SETBP1: variants seen among roughly 807,000 people sequenced by gnomAD.
SETBP1 encodes the protein SET binding protein 1.
A neutral mutation model predicts 101.0 loss-of-function variants in SETBP1; 9 were observed. The ratio of observed to expected loss-of-function variants is 0.09; its 90% CI spans 0.05 to 0.16. The LOEUF (loss-of-function observed/expected upper bound fraction) is 0.16, where lower values mean the gene tolerates loss of function less well. SETBP1 is among the 10% of genes least tolerant of loss of function. The pLI is 1.00. For missense variants in SETBP1, 1,858 were observed against 2,033.8 expected (o/e 0.91, Z 1.66); for synonymous variants, 818 against 788.5 (o/e 1.04, Z -0.63).
At chr18:44,978,045 A>G (rs774813551) in intron 4 of SETBP1, among the ~76,000 whole-genome samples, 40 of 152,108 alleles carry the variant, frequency 2.6e-4, no homozygotes, top group Non-Finnish European at 5.4e-4. Context: ...CATATTCCGA[A>G]AACAGATCCA....
chr18:44,796,234 G>A (rs908295124), intron 2 of SETBP1, among the ~76,000 whole-genome samples: 6 of 152,190 alleles, frequency 3.9e-5, no homozygotes, highest in Non-Finnish European at 8.8e-5. Flanking sequence ...AATATTTTAT[G>A]TATTGAATTT....
intron 5 of SETBP1, among the ~76,000 whole-genome samples, chr18:45,053,039 G>A (rs993185715): frequency 6.6e-6 from 1 of 152,056 alleles, no homozygotes; most frequent in Non-Finnish European, 1.5e-5. Context: ...ACATAGCCTT[G>A]GCCAGTGTTG....
chr18:44,887,008 T>C (rs1038348784), intron 3 of SETBP1, among the ~76,000 whole-genome samples: 1 of 152,028 alleles, frequency 6.6e-6, no homozygotes, highest in Non-Finnish European at 1.5e-5. Flanking sequence ...TAGTGAGTAG[T>C]GTCACTGTGT....
intron 4 of SETBP1, among the ~76,000 whole-genome samples, chr18:44,979,945 G>A (rs1004328349): frequency 2.5e-4 from 38 of 152,322 alleles, no homozygotes; most frequent in Admixed American, 2.0e-3. Flanking sequence ...CCATGTGGAT[G>A]TAAATTTGGA....
chr18:44,981,738 G>T (rs953311417), intron 4 of SETBP1, among the ~76,000 whole-genome samples: 1 of 152,176 alleles, frequency 6.6e-6, no homozygotes, highest in Non-Finnish European at 1.5e-5. Context: ...TTTAAAGCAT[G>T]TGCCCCCTTT....
At chr18:44,960,308 G>C (rs989167875) in intron 4 of SETBP1, among the ~76,000 whole-genome samples, 1 of 152,076 alleles carries the variant, frequency 6.6e-6, no homozygotes, top group African/African-American at 2.4e-5. Flanking sequence ...GTACTCCGAG[G>C]CTTGTGCTTA....
At chr18:44,895,223 G>A (rs2069868880) in intron 3 of SETBP1, among the ~76,000 whole-genome samples, 1 of 83,720 alleles carries the variant, frequency 1.2e-5, no homozygotes, top group Non-Finnish European at 2.5e-5. Context: ...AAAGGGAGGG[G>A]GAGGGAGAGA....
intron 3 of SETBP1, among the ~76,000 whole-genome samples, chr18:44,915,393 G>A (rs548956974): frequency 6.6e-6 from 1 of 152,304 alleles, no homozygotes; most frequent in Admixed American, 6.5e-5. Context: ...TAATCAGTGA[G>A]TCAATTAATA....
Position 44,951,824 on chromosome 18 carries a change from G to C in SETBP1, c.2484G>C (p.Lys828Asn). The change falls in exon 4 of 6, where the codon AAG becomes AAC. Residue 828 changes from lysine to asparagine, a missense_variant. Lys to Asn is a moderately conservative substitution (Grantham distance 94). Transcript: ENST00000649279. The surrounding 1 kb of genome is among the most constrained non-coding windows in gnomAD (Gnocchi z 7.8). ...AGGGAATACACAGTGGAACCTGGAA[G>C]CTGTCTCCACCCAGACTGATGGCCA... is the stretch of plus-strand genomic sequence containing the variant. ...TQKGIHSGTW[K>N]LSPPRLMANS... The C allele has an allele frequency of 6.2e-7, 1 of 1,614,102 alleles. No homozygotes were observed. The highest frequency in any genetic ancestry group is 8.5e-7 in the Non-Finnish European group (1 of 1,180,042).
At chr18:44,963,317 T>G (rs1354225792) in intron 4 of SETBP1, among the ~76,000 whole-genome samples, 1 of 152,180 alleles carries the variant, frequency 6.6e-6, no homozygotes, top group East Asian at 1.9e-4. Flanking sequence ...TAGGATATTT[T>G]ACATACAAAG....
chr18:44,703,521 G>C (rs2069159206), intron 2 of SETBP1, among the ~76,000 whole-genome samples: 1 of 151,648 alleles, frequency 6.6e-6, no homozygotes. Context: ...CAAAGAACTG[G>C]CTAGAAGAGA....
At position 44,746,030 on chromosome 18, in the gene SETBP1, G is replaced by T. The variant is rs143667875; in HGVS notation, c.486+44198G>T. On this transcript the variant is annotated intron_variant, in intron 2 of 5. Transcript: ENST00000649279. ...GGGGCAGGGAGATGTGGTCAAATAT[G>T]CAGGGTAGAGGGGTCACTCTGCCAC... 3.5e-3 allele frequency among the ~76,000 whole-genome samples: 536 copies of T among 152,268 alleles called. 4 individuals carry two copies. The highest frequency in any genetic ancestry group is 0.012 in the African/African-American group (512 of 41,544).
At chr18:44,786,630 T>C (rs57631808) in intron 2 of SETBP1, among the ~76,000 whole-genome samples, 13,753 of 152,216 alleles carry the variant, frequency 0.09, 775 homozygotes, top group East Asian at 0.23. Context: ...GAGAATGCAT[T>C]TGAAGCTCTC....
At chr18:44,732,453 T>C (rs1181506194) in intron 2 of SETBP1, 1 of 152,210 alleles carries the variant, frequency 6.6e-6, no homozygotes, top group Non-Finnish European at 1.5e-5. Flanking sequence ...GACGGATATA[T>C]AAGTGAAGAC....
intron 2 of SETBP1, among the ~76,000 whole-genome samples, chr18:44,834,790 A>G (rs1414831729): frequency 6.6e-6 from 1 of 152,182 alleles, no homozygotes; most frequent in African/African-American, 2.4e-5. Flanking sequence ...TAAAAATACA[A>G]CCAGATACCT....
At chr18:45,017,389 T>C (rs937388176) in intron 4 of SETBP1, among the ~76,000 whole-genome samples, 1 of 152,158 alleles carries the variant, frequency 6.6e-6, no homozygotes, top group Non-Finnish European at 1.5e-5. Context: ...CCCCAGCCTC[T>C]TTTGGCAGGA....
At position 44,952,959 on chromosome 18, in the gene SETBP1, A is replaced by G; in HGVS notation, c.3619A>G (p.Lys1207Glu). ...LPLVSEKNKH[K>E]EKQKHQHSEA... ...GCTGGTGAGTGAGAAGAACAAGCATAAGGAGAAACAGAAGCACCAGCACAG... is the reference window on the plus strand; with the variant it reads ...GCTGGTGAGTGAGAAGAACAAGCATGAGGAGAAACAGAAGCACCAGCACAG... The change falls in exon 4 of 6, where the codon AAG (lysine) becomes GAG (glutamate). Residue 1207 changes from lysine (K) to glutamate (E), a missense_variant. By Grantham distance (56) the Lys-to-Glu change is moderately conservative. This residue lies in a region of SETBP1 where 417 missense variants were observed against 389.1 expected (regional missense o/e 1.07). Transcript: ENST00000649279. 2 of 1,614,170 alleles carry G rather than the reference A, an allele frequency of 1.2e-6. No homozygotes were observed. The highest frequency in any genetic ancestry group is 1.7e-6 in the Non-Finnish European group (2 of 1,180,026).
At chr18:44,930,010 T>C (rs990309112) in intron 3 of SETBP1, among the ~76,000 whole-genome samples, 1 of 152,260 alleles carries the variant, frequency 6.6e-6, no homozygotes, top group Non-Finnish European at 1.5e-5. Flanking sequence ...CCTTGTCTTG[T>C]GCCAGTTTTC....
In SETBP1 at chr18:44,996,104, C is replaced by G. The variant is rs551520441; in HGVS notation, c.4001-42381C>G. Among the ~76,000 whole-genome samples, 24 of 152,340 alleles carry G rather than the reference C, an allele frequency of 1.6e-4. No homozygotes were observed. The South Asian group carries it at 5.0e-3, about 32-fold the overall frequency. ...TACAGGGTTTATGTCTATTGAACAT[C>G]AAGTAGCTACTGTTCTTGTTTCTTC... On this transcript the variant is annotated intron_variant, in intron 4 of 5. Coordinates refer to ENST00000649279, the MANE Select transcript of SETBP1 (RefSeq NM_015559.3).
Sources: allele counts gnomAD v4.1 joint callset (sites outside exome capture counted in the v4.1 genomes callset), GRCh38; gene constraint gnomAD v4.1.1; regional missense constraint gnomAD v4.1.1; non-coding constraint Gnocchi (gnomAD v3.1); transcripts MANE v1.5; gene names NCBI Gene and HGNC (gene_info 2026-07-23, HGNC 2026-07-21).